RBM33: variants seen among roughly 807,000 people sequenced by gnomAD.
The protein encoded by RBM33 is RNA binding motif protein 33.
In RBM33, 28 loss-of-function variants were observed where a neutral mutation model predicts 132.6. The ratio of observed to expected loss-of-function variants is 0.21; its 90% CI spans 0.16 to 0.29. The LOEUF is 0.29. RBM33 is among the 10% of genes least tolerant of loss of function. The pLI is 1.00. For synonymous variants in RBM33, 634 were observed against 593.0 expected (o/e 1.07, Z -1.01); for missense variants, 1,291 against 1,518.5 (o/e 0.85, Z 2.49).
intron 5 of RBM33, among the ~76,000 whole-genome samples, chr7:155,694,621 T>C: frequency 6.6e-6 from 1 of 152,224 alleles, no homozygotes; most frequent in East Asian, 1.9e-4. Flanking sequence ...AGCGTTCTTA[T>C]TTCTATACCT....
rs1199218097 is a variant in RBM33, at chr7:155,707,016, G to T, written c.896G>T (p.Gly299Val). 1 of 1,579,520 alleles carries T rather than the reference G, an allele frequency of 6.3e-7. No individual in the cohort carries two copies. The highest frequency in any genetic ancestry group is 2.3e-5 in the East Asian group (1 of 43,414). Reference protein sequence around the residue: ...GDQRRESTERGRMKDHRPALL... With the variant: ...GDQRRESTERVRMKDHRPALL... Reference sequence around the variant, plus strand: ...CAGAGGAGAGAGAGCACCGAGAGGGGCAGGATGAAGGACCACAGACCTGCG... The same window carrying T: ...CAGAGGAGAGAGAGCACCGAGAGGGTCAGGATGAAGGACCACAGACCTGCG... Residue 299 changes from glycine to valine, a missense_variant, in exon 7 of 18, where the codon GGC becomes GTC. Physicochemically the swap from Gly to Val is moderately radical, Grantham distance 109 (BLOSUM62 -3). Coordinates refer to ENST00000401878, the MANE Select transcript of RBM33 (RefSeq NM_053043.3).
chr7:155,652,207 C>G (rs71536004), intron 1 of RBM33, among the ~76,000 whole-genome samples: 4,167 of 152,188 alleles, frequency 0.027, 81 homozygotes, highest in Middle Eastern at 0.048. Flanking sequence ...CTTTGGAATA[C>G]AAAGGTCAGC....
At chr7:155,668,309 G>T (rs896273762) in intron 2 of RBM33, among the ~76,000 whole-genome samples, 1 of 152,186 alleles carries the variant, frequency 6.6e-6, no homozygotes, top group African/African-American at 2.4e-5. Context: ...GTTGTTTCAT[G>T]TACAGGTTCT....
intron 3 of RBM33, among the ~76,000 whole-genome samples, chr7:155,674,131 A>G (rs1439541349): frequency 6.6e-6 from 1 of 151,630 alleles, no homozygotes; most frequent in Non-Finnish European, 1.5e-5. Context: ...ATCACTTCTA[A>G]CACTTAAGAG....
chr7:155,718,346 A>C (rs1006532177), intron 8 of RBM33, 39 bp from the exon 9 acceptor site: 2 of 1,567,176 alleles, frequency 1.3e-6, no homozygotes, highest in Non-Finnish European at 1.8e-6. Flanking sequence ...TTGAGTGTTG[A>C]GTAAAGTGTG....
chr7:155,683,597 A>G (rs1799394741), intron 5 of RBM33, among the ~76,000 whole-genome samples: 1 of 152,216 alleles, frequency 6.6e-6, no homozygotes, highest in Non-Finnish European at 1.5e-5. Context: ...AGCGAGGTCC[A>G]GAGACATCAA....
chr7:155,750,158 A>G (rs1801648296), intron 14 of RBM33, among the ~76,000 whole-genome samples: 1 of 152,208 alleles, frequency 6.6e-6, no homozygotes, highest in Non-Finnish European at 1.5e-5. Flanking sequence ...GTAGAATTAT[A>G]TTTCATGGAA....
chr7:155,645,879 T>C (rs1213085521), intron 1 of RBM33, among the ~76,000 whole-genome samples: 1 of 152,240 alleles, frequency 6.6e-6, no homozygotes, highest in Non-Finnish European at 1.5e-5. Flanking sequence ...TTTAGGAATT[T>C]TGGCCCAACT....
At position 155,737,944 on chromosome 7, in the gene RBM33, C is replaced by T. The variant is rs559445915; in HGVS notation, c.1394-116C>T. On this transcript the variant is annotated intron_variant, in intron 10 of 17. Coordinates refer to ENST00000401878, the MANE Select transcript of RBM33 (RefSeq NM_053043.3). ...AAAATCTGGAATTGTTTCCAACATT[C>T]ATAACCTGTCAACACTTGTGACTTC... 8 of 968,832 alleles carry T rather than the reference C, an allele frequency of 8.3e-6. No homozygotes were observed. The Admixed American group carries it at 1.0e-4, about 12-fold the overall frequency. 60.0% of individuals were successfully genotyped at this position (968,832 alleles called of 1,614,324 possible).
At chr7:155,678,568 G>T in intron 3 of RBM33, 40 bp from the exon 4 acceptor site, 1 of 1,232,260 alleles carries the variant, frequency 8.1e-7, no homozygotes, top group South Asian at 1.4e-5. Flanking sequence ...GTCTTTTTAT[G>T]GAAGTGACAC....
At position 155,673,405 on chromosome 7, in the gene RBM33, T is replaced by TGGGTGTGTGG. The variant is rs1184168396; in HGVS notation, c.171+491_171+492insGGTGTGTGGG. On this transcript the variant is annotated intron_variant, in intron 3 of 17. Coordinates refer to ENST00000401878, the MANE Select transcript of RBM33 (RefSeq NM_053043.3). ...TTTGTATATCTATTTATATATATTGTGTGTGTGTGTGTGTGTGTGTGTGTG... is the reference window on the plus strand; with the variant it reads ...TTTGTATATCTATTTATATATATTGTGGGTGTGTGGGTGTGTGTGTGTGTGTGTGTGTGTG... Among the ~76,000 whole-genome samples the TGGGTGTGTGG allele has an allele frequency of 6.6e-4, 11 of 16,644 alleles. 1 individual carries two copies. The highest frequency in any genetic ancestry group is 7.3e-4 in the African/African-American group (11 of 15,028). 10.9% of individuals were successfully genotyped at this position (16,644 alleles called of 152,430 possible). A position where few individuals can be genotyped will look rare whatever the true frequency, so the allele number is the denominator to read the frequency against.
chr7:155,728,710 A>G (rs1185961025), intron 9 of RBM33, among the ~76,000 whole-genome samples: 4 of 152,168 alleles, frequency 2.6e-5, no homozygotes, highest in African/African-American at 9.7e-5. Context: ...GACTTGCACA[A>G]TTACACTTAC....
intron 9 of RBM33, among the ~76,000 whole-genome samples, chr7:155,734,871 C>T (rs775170030): frequency 7.9e-5 from 12 of 151,382 alleles, no homozygotes; most frequent in Non-Finnish European, 1.3e-4. Context: ...TCTTTTATTC[C>T]GTGTCATTCT....
Position 155,707,032 on chromosome 7 carries a change from C to T in RBM33, c.912C>T (p.His304=). 1 of 1,567,366 alleles carries T rather than the reference C, an allele frequency of 6.4e-7. No homozygotes were observed. The highest frequency in any genetic ancestry group is 8.6e-7 in the Non-Finnish European group (1 of 1,156,182). The change falls in exon 7 of 18, where the codon CAC becomes CAT. Residue 304 remains histidine (H), a synonymous_variant. Coordinates refer to ENST00000401878, the MANE Select transcript of RBM33 (RefSeq NM_053043.3). ...ESTERGRMKD[H]RPALLPTQPP... is the part of the protein sequence containing the mutation. Reference sequence around the variant, plus strand: ...CCGAGAGGGGCAGGATGAAGGACCACAGACCTGCGCTGCTTCCTACACAGC... The same window carrying T: ...CCGAGAGGGGCAGGATGAAGGACCATAGACCTGCGCTGCTTCCTACACAGC...
At chr7:155,651,582 C>A (rs1274169605) in intron 1 of RBM33, among the ~76,000 whole-genome samples, 1,050 of 93,874 alleles carry the variant, frequency 0.011, no homozygotes, top group Middle Eastern at 0.024. Flanking sequence ...TTTGTCTCAC[C>A]AAAAAAAAAA....
At chr7:155,666,906 C>CT (rs955943029) in intron 2 of RBM33, among the ~76,000 whole-genome samples, 37 of 152,044 alleles carry the variant, frequency 2.4e-4, no homozygotes, top group African/African-American at 8.2e-4. Flanking sequence ...AGTTTTTATT[C>CT]TTTTTTTATT....
intron 14 of RBM33, among the ~76,000 whole-genome samples, chr7:155,759,880 T>C (rs10249636): frequency 0.25 from 37,946 of 152,090 alleles, 5,154 homozygotes; most frequent in African/African-American, 0.35. Context: ...TTCGTCTTGC[T>C]GTCCGTCATG....
rs532926181 is a variant in RBM33, at chr7:155,738,178, A to G, written c.1512A>G (p.Leu504=). 3.7e-6 allele frequency: 6 copies of G among 1,613,980 alleles called. No homozygotes were observed. In the African/African-American group the frequency reaches 4.0e-5, roughly 11 times the overall value. ...SSHPVPTQSP[L]PFTQPGPAFN... ...ATCCTGTTCCTACTCAGAGTCCTCT[A>G]CCATTCACTCAGCCAGGACCAGCAT... The change falls in exon 11 of 18, where the codon CTA becomes CTG. Residue 504 remains leucine, a synonymous_variant. Coordinates refer to ENST00000401878, the MANE Select transcript of RBM33 (RefSeq NM_053043.3).
intron 8 of RBM33, among the ~76,000 whole-genome samples, chr7:155,714,880 C>G (rs1287561197): frequency 6.6e-6 from 1 of 152,128 alleles, no homozygotes; most frequent in Admixed American, 6.5e-5. Flanking sequence ...TGTCCTGTGG[C>G]CATGGAGCAG....
Sources: allele counts gnomAD v4.1 joint callset (sites outside exome capture counted in the v4.1 genomes callset), GRCh38; gene constraint gnomAD v4.1.1; transcripts MANE v1.5; gene names NCBI Gene and HGNC (gene_info 2026-07-23, HGNC 2026-07-21).